Variants in LLGL2 observed in about 807,000 individuals in gnomAD.
LLGL2 encodes LLGL2, scribble cell polarity complex component.
In LLGL2, 81 loss-of-function variants were observed where a neutral mutation model predicts 123.2. The observed-to-expected ratio is 0.66, with a 90% CI of 0.55 to 0.79. The LOEUF (loss-of-function observed/expected upper bound fraction) is 0.79. Ranked by LOEUF, LLGL2 falls within the 30% of genes least tolerant of loss-of-function variation. LLGL2 has a pLI of 0.00. For missense variants in LLGL2, 1,273 were observed against 1,414.6 expected (o/e 0.90, Z 1.61); for synonymous variants, 577 against 594.1 (o/e 0.97, Z 0.42).
chr17:75,558,722 G>A lies in LLGL2; in HGVS notation c.371+95G>A, dbSNP rs991327833. The A allele has an allele frequency of 4.2e-5, 40 of 963,166 alleles. No homozygotes were observed. Among genetic ancestry groups the A allele is most frequent in the South Asian group, 1.8e-4 (12 of 68,562 alleles). The allele number at this position is 963,166 out of a possible 1,614,324, so 59.7% of individuals were successfully genotyped here. On this transcript the variant is annotated intron_variant, in intron 5 of 25. Transcript: ENST00000392550. The surrounding 1 kb of genome is among the most constrained non-coding windows in gnomAD (Gnocchi z 4.0). ...ACTCACCCTTTGTGAGGCCTGTTGC[G>A]CCCCTGGCAGTGACTGGCATGCGTT...
rs375441569 is a variant in LLGL2, at chr17:75,563,006, C to T, written c.531-10C>T. On this transcript the variant is annotated splice_polypyrimidine_tract_variant and intron_variant, in intron 6 of 25. Coordinates refer to ENST00000392550, the MANE Select transcript of LLGL2 (RefSeq NM_001031803.2). The stretch of plus-strand genomic sequence containing the variant: ...CGGCATCGGAGGCTCACGGCACTCC[C>T]CTCGCCCAGGTTGCCAGAGGAGGCC... 18 of 1,610,686 alleles carry T rather than the reference C, an allele frequency of 1.1e-5. No homozygotes were observed. The highest frequency in any genetic ancestry group is 1.4e-5 in the Non-Finnish European group (17 of 1,179,984).
chr17:75,528,690 A>T (rs1297874093), intron 1 of LLGL2, among the ~76,000 whole-genome samples: 2 of 151,674 alleles, frequency 1.3e-5, no homozygotes, highest in African/African-American at 2.4e-5. Flanking sequence ...GTGAGCCAAG[A>T]TCACGCCATT....
chr17:75,568,331 G>A (rs2055534911), intron 10 of LLGL2, 145 bp from the exon 11 acceptor site: 1 of 1,443,190 alleles, frequency 6.9e-7, no homozygotes, highest in Non-Finnish European at 9.1e-7. Flanking sequence ...TGCCCTCCTG[G>A]AGATGGAAAG....
chr17:75,567,192 G>A (rs971559731), intron 10 of LLGL2, among the ~76,000 whole-genome samples: 4 of 152,176 alleles, frequency 2.6e-5, no homozygotes, highest in African/African-American at 9.7e-5. Context: ...TCAGCCAGGG[G>A]CAGTGGCTCA....
intron 3 of LLGL2, among the ~76,000 whole-genome samples, chr17:75,557,311 C>A (rs544568071): frequency 1.3e-5 from 2 of 152,182 alleles, no homozygotes; most frequent in Non-Finnish European, 2.9e-5. Context: ...CCAAATTCCA[C>A]CCCCACTCCC....
intron 2 of LLGL2, among the ~76,000 whole-genome samples, chr17:75,543,768 C>G (rs2054304844): frequency 6.6e-6 from 1 of 152,172 alleles, no homozygotes; most frequent in African/African-American, 2.4e-5. Flanking sequence ...CATGGAGCCT[C>G]AGTTTCCCTA....
Position 75,564,364 on chromosome 17 carries a change from C to T in LLGL2, c.893C>T (p.Thr298Ile), listed in dbSNP as rs2055354479. ...TCTGTGCCTGCCAGGTTGCCCTTCA[C>T]CATCTTCCAGGGTGGCATGCCACGG... ...WLTTRQGLPFTIFQGGMPRAS... is the reference protein window; with the variant it reads ...WLTTRQGLPFIIFQGGMPRAS... Residue 298 changes from threonine (T) to isoleucine (I), a missense_variant, in exon 10 of 26, where the codon ACC becomes ATC. Physicochemically the swap from Thr to Ile is moderately conservative, Grantham distance 89. Coordinates refer to ENST00000392550, the MANE Select transcript of LLGL2 (RefSeq NM_001031803.2). The surrounding 1 kb of genome is among the most constrained non-coding windows in gnomAD (Gnocchi z 4.9). The T allele has an allele frequency of 6.2e-7, 1 of 1,609,704 alleles. No homozygotes were observed. Among genetic ancestry groups the T allele is most frequent in the Non-Finnish European group, 8.5e-7 (1 of 1,178,942 alleles).
At chr17:75,567,989 G>A (rs552945329) in intron 10 of LLGL2, 56 of 771,348 alleles carry the variant, frequency 7.3e-5, no homozygotes, top group East Asian at 1.3e-4. Flanking sequence ...ATCATCCAGC[G>A]CACATTTATT....
chr17:75,559,613 AGGG>A lies in LLGL2; in HGVS notation c.530+206_530+208del, dbSNP rs2147395633. ...ATAGGTTAGCATCATAGCACTAAAA[AGGG>A]GGCTTTGAGGGTCCCTCGTCTAAAG... On this transcript the variant is annotated intron_variant, in intron 6 of 25. Coordinates refer to ENST00000392550, the MANE Select transcript of LLGL2 (RefSeq NM_001031803.2). The surrounding 1 kb of genome is among the most constrained non-coding windows in gnomAD (Gnocchi z 4.6). Among the ~76,000 whole-genome samples the A allele has an allele frequency of 6.6e-6, 1 of 152,328 alleles. No homozygotes were observed. Among genetic ancestry groups the A allele is most frequent in the East Asian group, 1.9e-4 (1 of 5,174 alleles).
In LLGL2 at chr17:75,559,974, G is replaced by C. The variant is rs1293357520; in HGVS notation, c.530+564G>C. On this transcript the variant is annotated intron_variant, in intron 6 of 25. Coordinates refer to ENST00000392550, the MANE Select transcript of LLGL2 (RefSeq NM_001031803.2). The surrounding 1 kb of genome is among the most constrained non-coding windows in gnomAD (Gnocchi z 4.6). ...AGGGGACGGGGCCCAAAAAAAGAGA[G>C]GAGATAGCATCTGACAAGATCATGT... Among the ~76,000 whole-genome samples the C allele has an allele frequency of 2.0e-5, 3 of 152,196 alleles. No individual in the cohort carries two copies. The highest frequency in any genetic ancestry group is 7.2e-5 in the African/African-American group (3 of 41,458).
In LLGL2 at chr17:75,561,153, C is replaced by T. The variant is rs146753054; in HGVS notation, c.530+1743C>T. On this transcript the variant is annotated intron_variant, in intron 6 of 25. Coordinates refer to ENST00000392550, the MANE Select transcript of LLGL2 (RefSeq NM_001031803.2). ...AGCCCCTTTTGGCAGTTTAAATTCT[C>T]GTCCTCTTGATGACACTTATCTAAG... Among the ~76,000 whole-genome samples, 36 of 152,264 alleles carry T rather than the reference C, an allele frequency of 2.4e-4. No homozygotes were observed. In the East Asian group the frequency reaches 3.3e-3, roughly 14 times the overall value.
At chr17:75,566,373 T>C (rs904499039) in intron 10 of LLGL2, among the ~76,000 whole-genome samples, 6 of 151,874 alleles carry the variant, frequency 4.0e-5, no homozygotes, top group Non-Finnish European at 8.8e-5. Flanking sequence ...CCAGTGAGAG[T>C]CGAGGGAGAG....
intron 19 of LLGL2, 84 bp from the exon 20 acceptor site, chr17:75,572,930 G>A (rs1425368178): frequency 8.7e-6 from 13 of 1,488,358 alleles, no homozygotes; most frequent in Middle Eastern, 1.8e-4. Context: ...GGAGGCATGT[G>A]GGGAGGGGAG....
intron 1 of LLGL2, among the ~76,000 whole-genome samples, chr17:75,536,402 G>C (rs1038916491): frequency 6.6e-6 from 1 of 152,214 alleles, no homozygotes; most frequent in Non-Finnish European, 1.5e-5. Context: ...CGATGGAATA[G>C]AAAAGTCCTT....
chr17:75,549,754 T>G lies in LLGL2; in HGVS notation c.75+6253T>G, dbSNP rs1568037255. Among the ~76,000 whole-genome samples the G allele has an allele frequency of 2.6e-5, 4 of 152,108 alleles. No homozygotes were observed. The highest frequency in any genetic ancestry group is 7.2e-5 in the African/African-American group (3 of 41,422). On this transcript the variant is annotated intron_variant, in intron 2 of 25. Coordinates refer to ENST00000392550, the MANE Select transcript of LLGL2 (RefSeq NM_001031803.2). The surrounding 1 kb of genome is among the most constrained non-coding windows in gnomAD (Gnocchi z 4.0). Reference sequence around the variant, plus strand: ...CCACCCCCTGAGGAGTGCCAGGGACTCCTCCTCAGGTCCTAGCCCTTGGGC... The same window carrying G: ...CCACCCCCTGAGGAGTGCCAGGGACGCCTCCTCAGGTCCTAGCCCTTGGGC...
chr17:75,558,004 C>T lies in LLGL2; in HGVS notation c.174-151C>T. 1.3e-6 allele frequency: 1 copy of T among 790,304 alleles called. No homozygotes were observed. The highest frequency in any genetic ancestry group is 2.2e-6 in the Non-Finnish European group (1 of 445,018). 49.0% of individuals were successfully genotyped at this position (790,304 alleles called of 1,614,324 possible). A position where few individuals can be genotyped will look rare whatever the true frequency, so the allele number is the denominator to read the frequency against. On this transcript the variant is annotated intron_variant, in intron 3 of 25. Coordinates refer to ENST00000392550, the MANE Select transcript of LLGL2 (RefSeq NM_001031803.2). The surrounding 1 kb of genome is among the most constrained non-coding windows in gnomAD (Gnocchi z 4.0). The stretch of plus-strand genomic sequence containing the variant: ...CCAGGGCTGCTGTGTCTCCTCCCCA[C>T]CCTAGGCTCCATGCATGGGTCCTGC...
Position 75,558,212 on chromosome 17 carries a change from G to T in LLGL2, c.231G>T (p.Thr77=). ...MGLHQENNAV[T]QIHLLPGQCQ... Reference sequence around the variant, plus strand: ...TGCACCAGGAGAACAACGCTGTGACGCAGATCCACCTCCTGCCCGGCCAGG... The same window carrying T: ...TGCACCAGGAGAACAACGCTGTGACTCAGATCCACCTCCTGCCCGGCCAGG... The change falls in exon 4 of 26, where the codon ACG becomes ACT. Residue 77 remains threonine (T), a synonymous_variant. Coordinates refer to ENST00000392550, the MANE Select transcript of LLGL2 (RefSeq NM_001031803.2). The surrounding 1 kb of genome is among the most constrained non-coding windows in gnomAD (Gnocchi z 4.0). The T allele has an allele frequency of 1.9e-6, 3 of 1,613,272 alleles. No homozygotes were observed. Among genetic ancestry groups the T allele is most frequent in the Non-Finnish European group, 2.5e-6 (3 of 1,179,822 alleles).
In LLGL2 at chr17:75,545,490, C is replaced by T. The variant is rs537379301; in HGVS notation, c.75+1989C>T. ...GGGGAGAGCCCAGGGGATTCAGGAGCGGGGTAGACTCATCCGGCTCGGGGA... is the reference window on the plus strand; with the variant it reads ...GGGGAGAGCCCAGGGGATTCAGGAGTGGGGTAGACTCATCCGGCTCGGGGA... On this transcript the variant is annotated intron_variant, in intron 2 of 25. Coordinates refer to ENST00000392550, the MANE Select transcript of LLGL2 (RefSeq NM_001031803.2). Among the ~76,000 whole-genome samples, 107 of 152,020 alleles carry T rather than the reference C, an allele frequency of 7.0e-4. 1 individual carries two copies. The highest frequency in any genetic ancestry group is 2.1e-3 in the African/African-American group (85 of 41,450).
intron 1 of LLGL2, among the ~76,000 whole-genome samples, chr17:75,541,753 C>G: frequency 2.7e-5 from 1 of 37,080 alleles, no homozygotes; most frequent in East Asian, 8.0e-4. Context: ...TTTTGAGATA[C>G]TGTTTTTGCT....
Sources: gnomAD v4.1 joint callset for allele counts (sites outside exome capture counted in the v4.1 genomes callset) on GRCh38, gnomAD v4.1.1 for gene constraint, Gnocchi (gnomAD v3.1) non-coding constraint, MANE v1.5 for transcripts, NCBI Gene and HGNC (gene_info 2026-07-23, HGNC 2026-07-21) for gene names.